DENND2B: variants seen among roughly 807,000 people sequenced by gnomAD.
The protein encoded by DENND2B is DENN domain containing 2B.
In DENND2B, 32 loss-of-function variants were observed where a neutral mutation model predicts 116.0. The observed-to-expected ratio is 0.28, with a 90% CI of 0.21 to 0.37. The LOEUF (loss-of-function observed/expected upper bound fraction) is 0.37, where lower values mean the gene tolerates loss of function less well. Ranked by LOEUF, DENND2B falls within the 10% of genes least tolerant of loss-of-function variation. DENND2B has a pLI of 1.00. For missense variants in DENND2B, 1,276 were observed against 1,477.7 expected (o/e 0.86, Z 2.24); for synonymous variants, 588 against 583.9 (o/e 1.01, Z -0.10).
intron 3 of DENND2B, among the ~76,000 whole-genome samples, chr11:8,856,585 C>CAA (rs895529261): frequency 1.3e-5 from 2 of 149,964 alleles, no homozygotes; most frequent in Admixed American, 1.3e-4. Context: ...CACACGTGTC[C>CAA]AAAAAAAAAT....
chr11:8,890,909 C>T (rs968138354), intron 1 of DENND2B, among the ~76,000 whole-genome samples: 2 of 152,130 alleles, frequency 1.3e-5, no homozygotes, highest in Admixed American at 1.3e-4. Flanking sequence ...AGATACTCCT[C>T]GAGAAGAGCA....
chr11:8,802,191 C>T (rs1259102519), intron 1 of DENND2B, among the ~76,000 whole-genome samples: 1 of 151,300 alleles, frequency 6.6e-6, no homozygotes, highest in Non-Finnish European at 1.5e-5. Flanking sequence ...GTCCCAGCTA[C>T]TTGGAAGGCT....
rs1488104170 is a variant in DENND2B at position 8,836,774 on chromosome 11, GC to G, written c.-115+2535del. Among the ~76,000 whole-genome samples the G allele has an allele frequency of 1.7e-4, 26 of 152,310 alleles. No individual in the cohort carries two copies. In the East Asian group the frequency reaches 5.0e-3, roughly 29 times the overall value. The stretch of plus-strand genomic sequence containing the variant: ...CTGTCACCCAGGCTGGAGTGCAGTG[GC>G]ACGATCTCAGCTCACTGCAGTCTCG... On this transcript the variant is annotated intron_variant, in intron 4 of 6. Transcript: ENST00000524757.
intron 3 of DENND2B, among the ~76,000 whole-genome samples, chr11:8,848,980 T>TTG (rs1378419377): frequency 6.6e-6 from 1 of 152,086 alleles, no homozygotes; most frequent in African/African-American, 2.4e-5. Flanking sequence ...TCACAGGTAC[T>TTG]GCCATTACTG....
chr11:8,711,347 A>G, intron 9 of DENND2B, 116 bp from the exon 10 acceptor site: 2 of 804,278 alleles, frequency 2.5e-6, no homozygotes, highest in Non-Finnish European at 4.2e-6. Flanking sequence ...GCATGATCTC[A>G]GCAACCCTTG....
chr11:8,879,732 C>G (rs1046719194), intron 2 of DENND2B, among the ~76,000 whole-genome samples: 3 of 151,910 alleles, frequency 2.0e-5, no homozygotes, highest in Non-Finnish European at 2.9e-5. Flanking sequence ...CAAGACATCT[C>G]CAGATATCCT....
intron 2 of DENND2B, among the ~76,000 whole-genome samples, chr11:8,868,250 C>G (rs922984958): frequency 6.6e-6 from 1 of 152,240 alleles, no homozygotes; most frequent in Non-Finnish European, 1.5e-5. Flanking sequence ...GCTACATTTC[C>G]TTTTTGAACC....
At chr11:8,816,493 G>A (rs189569290) in intron 4 of DENND2B, among the ~76,000 whole-genome samples, 2 of 150,718 alleles carry the variant, frequency 1.3e-5, no homozygotes, top group Non-Finnish European at 2.9e-5. Context: ...TAAGGCTGCA[G>A]AGAGACATCA....
chr11:8,839,492 GT>G (rs1175188536), intron 3 of DENND2B: 7 of 152,328 alleles, frequency 4.6e-5, no homozygotes, highest in African/African-American at 1.4e-4. Flanking sequence ...AACAAGAAAG[GT>G]GGGCGGGGAG....
In DENND2B at chr11:8,750,681, T is replaced by C. The variant is rs775910411; in HGVS notation, c.20A>G (p.Lys7Arg). ...AGCTCCGTGGGTGATGCTGGAATTC[T>C]TGTTGGCAGTCATGGTCATTTCGGC... Reference protein sequence around the residue: MTMTANKNSSITHGAGG... With the variant: MTMTANRNSSITHGAGG... The change falls in exon 2 of 20, where the codon AAG becomes AGG. Residue 7 changes from lysine to arginine, a missense_variant. By Grantham distance (26) the Lys-to-Arg change is conservative. Coordinates refer to ENST00000313726, the MANE Select transcript of DENND2B (RefSeq NM_213618.2). 4 of 1,614,234 alleles carry C rather than the reference T, an allele frequency of 2.5e-6. No homozygotes were observed. Among genetic ancestry groups the C allele is most frequent in the Non-Finnish European group, 3.4e-6 (4 of 1,180,038 alleles).
chr11:8,829,476 A>C (rs2062119903), intron 4 of DENND2B, among the ~76,000 whole-genome samples: 1 of 152,048 alleles, frequency 6.6e-6, no homozygotes, highest in South Asian at 2.1e-4. Flanking sequence ...CATATACATT[A>C]TTTTTGTGCA....
Position 8,717,872 on chromosome 11 carries a change from G to A in DENND2B, c.1498C>T (p.Pro500Ser). ...CTCTTTAAGTCCACATCCTCATATG[G>A]ATTCTCCTTGGGCAGATCTCCTGCA... ...DIVGDLPKEN[P>S]YEDVDLKSRR... is the part of the protein sequence containing the mutation. The change falls in exon 5 of 20, where the codon CCA becomes TCA. Residue 500 changes from proline to serine, a missense_variant. Pro to Ser is a moderately conservative substitution (Grantham distance 74). This residue lies in a region of DENND2B where 856 missense variants were observed against 846.6 expected (regional missense o/e 1.01). Transcript: ENST00000313726. 6.2e-7 allele frequency: 1 copy of A among 1,611,984 alleles called. No individual in the cohort carries two copies. The highest frequency in any genetic ancestry group is 8.5e-7 in the Non-Finnish European group (1 of 1,179,080).
At chr11:8,698,166 A>AAAAAAAAAAAGG (rs1555092981) in intron 16 of DENND2B, among the ~76,000 whole-genome samples, 4 of 129,448 alleles carry the variant, frequency 3.1e-5, no homozygotes, top group African/African-American at 1.2e-4. Context: ...AAAAAAAAAA[A>AAAAAAAAAAAGG]GGGGGTAGAG....
At chr11:8,729,000 C>T (rs1038306385) in intron 3 of DENND2B, among the ~76,000 whole-genome samples, 1 of 152,206 alleles carries the variant, frequency 6.6e-6, no homozygotes, top group African/African-American at 2.4e-5. Context: ...TAGCCACGGG[C>T]TGTTCCGGCT....
intron 2 of DENND2B, among the ~76,000 whole-genome samples, chr11:8,870,327 T>C (rs1255740874): frequency 2.0e-5 from 3 of 152,348 alleles, no homozygotes; most frequent in East Asian, 1.9e-4. Context: ...TACTAAATTA[T>C]TGGATAACGT....
At chr11:8,800,212 C>T (rs2060197139) in intron 1 of DENND2B, among the ~76,000 whole-genome samples, 1 of 152,094 alleles carries the variant, frequency 6.6e-6, no homozygotes, top group Non-Finnish European at 1.5e-5. Context: ...CCCTGGCCTC[C>T]CAAAGTGTTA....
At chr11:8,721,115 T>C (rs1348234811) in intron 4 of DENND2B, among the ~76,000 whole-genome samples, 2 of 152,018 alleles carry the variant, frequency 1.3e-5, no homozygotes, top group African/African-American at 4.8e-5. Flanking sequence ...CTTTCCCAGC[T>C]TGGATGATGA....
chr11:8,697,731 A>C, intron 16 of DENND2B, 95 bp from the exon 17 acceptor site: 7 of 791,368 alleles, frequency 8.8e-6, no homozygotes, highest in African/African-American at 1.7e-5. Flanking sequence ...AGATAATCTC[A>C]TTTATCTCTC....
At chr11:8,844,270 G>A (rs1249834879) in intron 3 of DENND2B, among the ~76,000 whole-genome samples, 1 of 152,048 alleles carries the variant, frequency 6.6e-6, no homozygotes, top group African/African-American at 2.4e-5. Flanking sequence ...GTGTGGTGGT[G>A]CATGCCTACA....
Sources: allele counts gnomAD v4.1 joint callset (sites outside exome capture counted in the v4.1 genomes callset), GRCh38; gene constraint gnomAD v4.1.1; regional missense constraint gnomAD v4.1.1; transcripts MANE v1.5; gene names NCBI Gene and HGNC (gene_info 2026-07-23, HGNC 2026-07-21).